RNF175: variants seen among roughly 807,000 people sequenced by gnomAD.
RNF175 encodes ring finger protein 175.
A neutral mutation model predicts 50.0 loss-of-function variants in RNF175; 38 were observed. That is an observed-to-expected ratio of 0.76 (90% CI 0.59 to 1.00). The LOEUF is 1.00. Among genes scored for constraint, RNF175 ranks in the 50% least tolerant of loss-of-function variants. The pLI is 0.00. For synonymous variants in RNF175, 155 were observed against 146.1 expected, an observed-to-expected ratio of 1.06 and a Z score of -0.44; for missense variants, 388 against 409.6, an observed-to-expected ratio of 0.95 and a Z score of 0.46.
intron 4 of RNF175, among the ~76,000 whole-genome samples, chr4:153,727,061 C>G (rs547252639): frequency 6.6e-6 from 1 of 152,134 alleles, no homozygotes; most frequent in Non-Finnish European, 1.5e-5. Flanking sequence ...AGTGGATAGG[C>G]GAACCATTCT....
At chr4:153,753,560 CT>C (rs72529289) in intron 1 of RNF175, among the ~76,000 whole-genome samples, 58 of 78,800 alleles carry the variant, frequency 7.4e-4, no homozygotes, top group Middle Eastern at 6.0e-3. Flanking sequence ...CTCTCTCTCT[CT>C]TTTTTTTTTT....
chr4:153,724,765 C>A (rs1738571667), intron 4 of RNF175, among the ~76,000 whole-genome samples: 1 of 152,054 alleles, frequency 6.6e-6, no homozygotes, highest in South Asian at 2.1e-4. Flanking sequence ...TGGGCTAGCT[C>A]CTGAAATGTG....
intron 3 of RNF175, chr4:153,729,796 C>T (rs17370965): frequency 0.24 from 239,477 of 983,668 alleles, 31,041 homozygotes; most frequent in East Asian, 0.8. Flanking sequence ...AAAACACACA[C>T]GGAGCAAGTC....
chr4:153,712,723 C>T (rs935993707), intron 7 of RNF175, 147 bp from the exon 8 acceptor site: 2 of 634,852 alleles, frequency 3.2e-6, no homozygotes, highest in Non-Finnish European at 5.7e-6. Flanking sequence ...CTGTAAGGGA[C>T]CTGACAATGA....
chr4:153,733,665 T>C (rs906428109), intron 3 of RNF175, among the ~76,000 whole-genome samples: 3 of 152,224 alleles, frequency 2.0e-5, no homozygotes, highest in African/African-American at 7.2e-5. Context: ...ATATTTTTAA[T>C]GCAGTTAGAT....
chr4:153,750,898 T>C (rs534101184), intron 2 of RNF175, among the ~76,000 whole-genome samples: 2 of 152,350 alleles, frequency 1.3e-5, no homozygotes, highest in South Asian at 4.1e-4. Flanking sequence ...AATCTATTAA[T>C]CTGTTATATG....
chr4:153,759,077 G>A (rs1322659900), intron 1 of RNF175, among the ~76,000 whole-genome samples: 1 of 152,124 alleles, frequency 6.6e-6, no homozygotes, highest in Non-Finnish European at 1.5e-5. Context: ...GATGGGATTT[G>A]GGTTCCTCCA....
chr4:153,724,728 T>C lies in RNF175; in HGVS notation c.402-1270A>G, dbSNP rs2165083. 2.5e-3 allele frequency among the ~76,000 whole-genome samples: 375 copies of C among 152,176 alleles called. 1 individual carries two copies. The highest frequency in any genetic ancestry group is 4.3e-3 in the Non-Finnish European group (290 of 68,014). On this transcript the variant is annotated intron_variant, in intron 4 of 8. Transcript: ENST00000347063. ...ACTGAGTTCCAGTCAGAAGGGACCT[T>C]CTGAACATCATGGTTTAAATGGGTT...
chr4:153,752,235 C>G lies in RNF175; in HGVS notation c.67-760G>C, dbSNP rs1350552218. Among the ~76,000 whole-genome samples the G allele has an allele frequency of 6.6e-5, 10 of 152,182 alleles. 1 individual carries two copies. Among genetic ancestry groups the G allele is most frequent in the South Asian group, 2.1e-4 (1 of 4,822 alleles). Reference sequence around the variant, plus strand: ...GGAGAGCACAGAAGAGCATAGACAACCAATGTTTTTGCCCCCAAAGCAGAA... The same window carrying G: ...GGAGAGCACAGAAGAGCATAGACAAGCAATGTTTTTGCCCCCAAAGCAGAA... On this transcript the variant is annotated intron_variant, in intron 1 of 8. Coordinates refer to ENST00000347063, the MANE Select transcript of RNF175 (RefSeq NM_173662.4).
intron 1 of RNF175, 69 bp downstream of exon 1, chr4:153,759,728 G>T: frequency 9.2e-7 from 1 of 1,081,850 alleles, no homozygotes; most frequent in Non-Finnish European, 1.3e-6. Context: ...TGTGCAGCCT[G>T]CCCGGCACCA....
chr4:153,751,020 A>C (rs947681187), intron 2 of RNF175, among the ~76,000 whole-genome samples: 3 of 152,158 alleles, frequency 2.0e-5, no homozygotes, highest in Non-Finnish European at 4.4e-5. Flanking sequence ...TTGAGTAGGA[A>C]TATATCCAAA....
intron 1 of RNF175, among the ~76,000 whole-genome samples, chr4:153,755,366 G>A (rs1346315298): frequency 6.6e-6 from 1 of 152,232 alleles, no homozygotes; most frequent in Non-Finnish European, 1.5e-5. Flanking sequence ...GCTTAACAGT[G>A]CTGTACTGTC....
chr4:153,743,869 T>C (rs11099898), intron 3 of RNF175, among the ~76,000 whole-genome samples: 71,113 of 151,964 alleles, frequency 0.47, 17,361 homozygotes, highest in East Asian at 0.82. Context: ...TCCAGCTAAC[T>C]AACAGAGGTC....
In RNF175 at chr4:153,759,796, C is replaced by G; in HGVS notation, c.66+1G>C. On this transcript the variant is annotated splice_donor_variant, in intron 1 of 8. Coordinates refer to ENST00000347063, the MANE Select transcript of RNF175 (RefSeq NM_173662.4). LOFTEE classifies it high-confidence loss of function. ...CCACGCCCGCGCCCCCGCGCCAGTA[C>G]CTGCTCCTGCTGCGGGGGGGCCTCC... 1 of 1,480,044 alleles carries G rather than the reference C, an allele frequency of 6.8e-7. No homozygotes were observed. The highest frequency in any genetic ancestry group is 8.9e-7 in the Non-Finnish European group (1 of 1,122,902). The allele number at this position is 1,480,044 out of a possible 1,614,324, so 91.7% of individuals were successfully genotyped here.
rs1738830392 is a variant in RNF175, at chr4:153,728,308, T to G, written c.300A>C (p.Leu100Phe). 1 of 1,613,656 alleles carries G rather than the reference T, an allele frequency of 6.2e-7. No homozygotes were observed. The highest frequency in any genetic ancestry group is 8.5e-7 in the Non-Finnish European group (1 of 1,179,566). Residue 100 changes from leucine to phenylalanine, a missense_variant, in exon 4 of 9, where the codon TTA (leucine) becomes TTC (phenylalanine). Physicochemically the swap from Leu to Phe is conservative, Grantham distance 22. Transcript: ENST00000347063. ...WVVPLYFTIK[L>F]YWWRFLSMWG... ...ACATAGACAGAAACCGCCACCAGTA[T>G]AATTTTATCGTGAAATATAAGGGGA...
chr4:153,741,234 A>T (rs994583070), intron 3 of RNF175, among the ~76,000 whole-genome samples: 7 of 152,186 alleles, frequency 4.6e-5, no homozygotes, highest in Non-Finnish European at 8.8e-5. Context: ...CTCTCCCCTC[A>T]TATTGGATGA....
At position 153,720,304 on chromosome 4, in the gene RNF175, T is replaced by G; in HGVS notation, c.510A>C (p.Lys170Asn). Residue 170 changes from lysine (K) to asparagine (N), a missense_variant and splice_region_variant, in exon 6 of 9, where the codon AAA (lysine) becomes AAC (asparagine). Physicochemically the swap from Lys to Asn is moderately conservative, Grantham distance 94. Transcript: ENST00000347063. ...AATCCATGGAATCTCTAGCTTTGAT[T>G]CTATTGAAAACAACAGTATAAGGAA... ...FTMCGFNLFFKIKARDSMDFG... is the reference protein window; with the variant it reads ...FTMCGFNLFFNIKARDSMDFG... The G allele has an allele frequency of 6.2e-7, 1 of 1,612,812 alleles. No individual in the cohort carries two copies. The highest frequency in any genetic ancestry group is 8.5e-7 in the Non-Finnish European group (1 of 1,178,798).
intron 3 of RNF175, among the ~76,000 whole-genome samples, chr4:153,730,184 C>T (rs1423534909): frequency 6.6e-6 from 1 of 152,160 alleles, no homozygotes; most frequent in East Asian, 1.9e-4. Context: ...GTGGCTCATG[C>T]CTGTAATCCC....
intron 1 of RNF175, among the ~76,000 whole-genome samples, chr4:153,752,950 T>C (rs1278111517): frequency 6.6e-6 from 1 of 150,512 alleles, no homozygotes; most frequent in Non-Finnish European, 1.5e-5. Flanking sequence ...AAAGTAAAAA[T>C]GAGGACTTCT....
Sources: gnomAD v4.1 joint callset for allele counts (sites outside exome capture counted in the v4.1 genomes callset) on GRCh38, gnomAD v4.1.1 for gene constraint, MANE v1.5 for transcripts, NCBI Gene and HGNC (gene_info 2026-07-23, HGNC 2026-07-21) for gene names.